Variants in RBKS observed in about 807,000 individuals in gnomAD.
The protein encoded by RBKS is ribokinase.
RBKS carries 33 observed loss-of-function variants against 33.9 expected under a neutral mutation model. The observed-to-expected ratio is 0.97, with a 90% CI of 0.74 to 1.30. RBKS has a LOEUF of 1.30. Ranked by LOEUF, RBKS falls within the 50% of genes most tolerant of loss-of-function variation. RBKS has a pLI of 0.00. For synonymous variants in RBKS, 125 were observed against 143.0 expected (o/e 0.87, Z 0.90); for missense variants, 361 against 392.6 (o/e 0.92, Z 0.68).
At chr2:27,884,155 C>T (rs1026863935) in intron 1 of RBKS, among the ~76,000 whole-genome samples, 2 of 152,132 alleles carry the variant, frequency 1.3e-5, no homozygotes, top group Admixed American at 6.5e-5. Context: ...ATATGACAAG[C>T]CAAGAGGCTT....
At chr2:27,881,776 C>T (rs1295536702) in intron 1 of RBKS, among the ~76,000 whole-genome samples, 1 of 152,084 alleles carries the variant, frequency 6.6e-6, no homozygotes, top group East Asian at 1.9e-4. Context: ...ATACCTACAA[C>T]CATCTGATCT....
intron 1 of RBKS, among the ~76,000 whole-genome samples, chr2:27,871,081 C>T (rs574572903): frequency 6.6e-6 from 1 of 152,284 alleles, no homozygotes; most frequent in South Asian, 2.1e-4. Flanking sequence ...TTTTTAACTG[C>T]AAGATCTCCT....
In RBKS at chr2:27,858,501, TC is replaced by T. The variant is rs1663905397; in HGVS notation, c.159del (p.Gly55ValfsTer14). The T allele has an allele frequency of 6.2e-7, 1 of 1,613,962 alleles. No individual in the cohort carries two copies. Among genetic ancestry groups the T allele is most frequent in the Non-Finnish European group, 8.5e-7 (1 of 1,179,998 alleles). On this transcript the variant is annotated frameshift_variant, in exon 2 of 8. Coordinates refer to ENST00000302188, the MANE Select transcript of RBKS (RefSeq NM_022128.3). LOFTEE classifies it high-confidence loss of function. ...HGHKFFIGFG[G>X]KGANQCVQAA... is the part of the protein sequence containing the mutation. The stretch of plus-strand genomic sequence containing the variant: ...GCTTGGACACACTGGTTGGCACCTT[TC>T]CCTCCAAAGCCAATAAAAAACTTAT...
intron 1 of RBKS, among the ~76,000 whole-genome samples, chr2:27,873,964 C>T (rs1008660711): frequency 1.3e-5 from 2 of 152,060 alleles, no homozygotes; most frequent in Admixed American, 6.5e-5. Flanking sequence ...TGTATGTATA[C>T]AAGAAACACT....
At chr2:27,803,724 A>T (rs1677842819) in intron 7 of RBKS, among the ~76,000 whole-genome samples, 1 of 149,400 alleles carries the variant, frequency 6.7e-6, no homozygotes, top group Admixed American at 6.7e-5. Flanking sequence ...GTCTGAGATA[A>T]TCCATTTTTT....
intron 6 of RBKS, among the ~76,000 whole-genome samples, chr2:27,830,004 T>C (rs1000961061): frequency 4.6e-5 from 7 of 152,172 alleles, no homozygotes; most frequent in Admixed American, 3.3e-4. Context: ...TTAGTATCCA[T>C]GACCCACAGC....
At chr2:27,818,558 C>A (rs769395174) in intron 7 of RBKS, among the ~76,000 whole-genome samples, 2 of 152,190 alleles carry the variant, frequency 1.3e-5, no homozygotes, top group Non-Finnish European at 2.9e-5. Context: ...GGCCCCTGGG[C>A]AGGTCATGTA....
chr2:27,860,693 C>A (rs1052358655), intron 1 of RBKS, among the ~76,000 whole-genome samples: 2 of 152,196 alleles, frequency 1.3e-5, no homozygotes, highest in Non-Finnish European at 2.9e-5. Flanking sequence ...TAAACAACTT[C>A]TATTAACACA....
chr2:27,782,732 T>C, intron 7 of RBKS: 2 of 376,208 alleles, frequency 5.3e-6, no homozygotes, highest in South Asian at 3.9e-5. Context: ...AAAGTTACTT[T>C]GCTCCCTTTT....
At chr2:27,833,422 G>C (rs1203577928) in intron 5 of RBKS, among the ~76,000 whole-genome samples, 1 of 152,118 alleles carries the variant, frequency 6.6e-6, no homozygotes, top group Non-Finnish European at 1.5e-5. Context: ...AAAGGAGGAG[G>C]AATTCAGTCA....
chr2:27,804,652 CT>C (rs1677861758), intron 7 of RBKS, among the ~76,000 whole-genome samples: 1 of 152,182 alleles, frequency 6.6e-6, no homozygotes, highest in Non-Finnish European at 1.5e-5. Context: ...CCAATAAGCA[CT>C]GAGGCAACAG....
At chr2:27,813,081 A>G (rs1678023168) in intron 7 of RBKS, among the ~76,000 whole-genome samples, 1 of 152,054 alleles carries the variant, frequency 6.6e-6, no homozygotes, top group Non-Finnish European at 1.5e-5. Flanking sequence ...GTGGCCAGAA[A>G]TTCACAAGCC....
At chr2:27,883,203 T>TC (rs1664454211) in intron 1 of RBKS, among the ~76,000 whole-genome samples, 1 of 149,984 alleles carries the variant, frequency 6.7e-6, no homozygotes, top group East Asian at 1.9e-4. Flanking sequence ...CAGTATTCTT[T>TC]TTTTTTTTTT....
At chr2:27,814,819 CA>C (rs1299850308) in intron 7 of RBKS, among the ~76,000 whole-genome samples, 2 of 152,064 alleles carry the variant, frequency 1.3e-5, no homozygotes, top group Non-Finnish European at 2.9e-5. Context: ...GAGGTTGTAC[CA>C]CAGTATAGAA....
chr2:27,868,394 C>CA (rs1023577937), intron 1 of RBKS, among the ~76,000 whole-genome samples: 1 of 151,962 alleles, frequency 6.6e-6, no homozygotes, highest in African/African-American at 2.4e-5. Flanking sequence ...ATTGGCTTAT[C>CA]AAAAAAACAC....
rs76575002 is a variant in RBKS at position 27,827,565 on chromosome 2, A to G, written c.795+2T>C. ...ACATGATTCTTAAATTTTAAAACTT[A>G]CCGTGGTATCCACAGCCTTGACTTT... On this transcript the variant is annotated splice_donor_variant, in intron 7 of 7. Transcript: ENST00000302188. LOFTEE classifies it high-confidence loss of function. The G allele has an allele frequency of 6.4e-7, 1 of 1,553,466 alleles. No individual in the cohort carries two copies. The highest frequency in any genetic ancestry group is 8.7e-7 in the Non-Finnish European group (1 of 1,152,604).
At chr2:27,804,199 T>C (rs999662662) in intron 7 of RBKS, among the ~76,000 whole-genome samples, 1 of 152,186 alleles carries the variant, frequency 6.6e-6, no homozygotes, top group African/African-American at 2.4e-5. Context: ...AGCTATTGGA[T>C]TTAAAAAAAC....
chr2:27,879,364 C>T (rs542537144), intron 1 of RBKS, among the ~76,000 whole-genome samples: 1 of 152,262 alleles, frequency 6.6e-6, no homozygotes, highest in South Asian at 2.1e-4. Context: ...TGAAATGGCA[C>T]TGGGAGGTGA....
At chr2:27,871,936 C>T (rs1289845178) in intron 1 of RBKS, among the ~76,000 whole-genome samples, 5 of 152,188 alleles carry the variant, frequency 3.3e-5, no homozygotes, top group Non-Finnish European at 7.4e-5. Flanking sequence ...GATCATCAGG[C>T]GTTAGATTCT....
Sources: allele counts gnomAD v4.1 joint callset (sites outside exome capture counted in the v4.1 genomes callset), GRCh38; gene constraint gnomAD v4.1.1; transcripts MANE v1.5; gene names NCBI Gene and HGNC (gene_info 2026-07-23, HGNC 2026-07-21).